The following KCNMA1 variants were observed in gnomAD, a reference collection of about 807,000 sequenced individuals.
The protein encoded by KCNMA1 is potassium calcium-activated channel subfamily M alpha 1.
KCNMA1 carries 29 observed loss-of-function variants against 140.0 expected under a neutral mutation model. That is an observed-to-expected ratio of 0.21 (90% CI 0.15 to 0.28). The LOEUF is 0.28. Ranked by LOEUF, KCNMA1 falls within the 10% of genes least tolerant of loss-of-function variation. The pLI is 1.00. For synonymous variants in KCNMA1, 612 were observed against 611.9 expected, an observed-to-expected ratio of 1.00 and a Z score of 0.00; for missense variants, 880 against 1,602.2, an observed-to-expected ratio of 0.55 and a Z score of 7.70.
chr10:76,956,933 T>C (rs1403997550), intron 20 of KCNMA1, among the ~76,000 whole-genome samples: 1 of 151,740 alleles, frequency 6.6e-6, no homozygotes, highest in African/African-American at 2.4e-5. Flanking sequence ...CCATCCTGGC[T>C]AACACGGTGA....
At chr10:77,076,717 A>C (rs1290406882) in intron 13 of KCNMA1, among the ~76,000 whole-genome samples, 3 of 152,226 alleles carry the variant, frequency 2.0e-5, no homozygotes, top group Non-Finnish European at 4.4e-5. Flanking sequence ...AATGGATGTC[A>C]AAGCTCTTTT....
intron 2 of KCNMA1, among the ~76,000 whole-genome samples, chr10:77,278,161 G>A (rs2067229139): frequency 1.3e-5 from 2 of 152,134 alleles, no homozygotes; most frequent in Non-Finnish European, 2.9e-5. Context: ...AATTTTCTCA[G>A]ACCCTACTAT....
At chr10:77,601,072 G>A (rs747236475) in intron 1 of KCNMA1, among the ~76,000 whole-genome samples, 2 of 152,200 alleles carry the variant, frequency 1.3e-5, no homozygotes, top group Non-Finnish European at 2.9e-5. Flanking sequence ...CTTCATCTTG[G>A]CCCTTCACAG....
chr10:77,388,406 T>G (rs1173013317), intron 2 of KCNMA1, among the ~76,000 whole-genome samples: 1 of 152,204 alleles, frequency 6.6e-6, no homozygotes, highest in Non-Finnish European at 1.5e-5. Context: ...TTTCAAATGC[T>G]TTGAGATCAT....
chr10:76,935,284 A>T (rs926700474), intron 23 of KCNMA1, among the ~76,000 whole-genome samples: 1 of 152,246 alleles, frequency 6.6e-6, no homozygotes, highest in African/African-American at 2.4e-5. Context: ...GCACACCTTG[A>T]GCACTTTCAT....
At chr10:77,338,114 G>C (rs2089805237) in intron 2 of KCNMA1, among the ~76,000 whole-genome samples, 1 of 152,172 alleles carries the variant, frequency 6.6e-6, no homozygotes, top group African/African-American at 2.4e-5. Context: ...GGGAAGGGGT[G>C]AGTGAGCCTG....
chr10:77,059,469 C>T (rs1256703055), intron 14 of KCNMA1, among the ~76,000 whole-genome samples: 1 of 151,900 alleles, frequency 6.6e-6, no homozygotes, highest in Non-Finnish European at 1.5e-5. Flanking sequence ...ATTAACAAAC[C>T]AAATCCACCA....
chr10:77,446,195 C>T (rs1284240538), intron 1 of KCNMA1, among the ~76,000 whole-genome samples: 1 of 152,214 alleles, frequency 6.6e-6, no homozygotes, highest in Non-Finnish European at 1.5e-5. Flanking sequence ...TCCCCCAGGG[C>T]CTAGCTAAGG....
rs541951653 is a variant in KCNMA1 at position 76,886,551 on chromosome 10, A to T, written c.*715T>A. 3 of 985,832 alleles carry T rather than the reference A, an allele frequency of 3.0e-6. No homozygotes were observed. In the African/African-American group the frequency reaches 5.2e-5, roughly 17 times the overall value. The allele number at this position is 985,832 out of a possible 1,614,324, so 61.1% of individuals were successfully genotyped here. ...AGAATTTGATACATCCATGATTGGA[A>T]TACTATTCTCTCCTCCATATTAAGG... is the stretch of plus-strand genomic sequence containing the variant. On this transcript the variant is annotated 3_prime_UTR_variant, in exon 28 of 28. Coordinates refer to ENST00000286628, the MANE Select transcript of KCNMA1 (RefSeq NM_001161352.2).
At position 77,583,651 on chromosome 10, in the gene KCNMA1, G is replaced by A. The variant is rs1374885220; in HGVS notation, c.378+53614C>T. Among the ~76,000 whole-genome samples, 3 of 152,246 alleles carry A rather than the reference G, an allele frequency of 2.0e-5. No homozygotes were observed. The East Asian group carries it at 5.8e-4, about 29-fold the overall frequency. ...TTGACTTTCCAGGCAAGTAAAGCAG[G>A]ATTGAGCTTACTCCTGGGTCTCAGG... On this transcript the variant is annotated intron_variant, in intron 1 of 27. Coordinates refer to ENST00000286628, the MANE Select transcript of KCNMA1 (RefSeq NM_001161352.2).
At chr10:76,921,029 G>C (rs973795113) in intron 23 of KCNMA1, among the ~76,000 whole-genome samples, 2 of 152,142 alleles carry the variant, frequency 1.3e-5, no homozygotes, top group African/African-American at 4.8e-5. Flanking sequence ...CCTTTCCAGG[G>C]AGAGAGGGAG....
intron 3 of KCNMA1, among the ~76,000 whole-genome samples, chr10:77,233,340 G>T (rs572465067): frequency 6.6e-6 from 1 of 152,100 alleles, no homozygotes; most frequent in Admixed American, 6.5e-5. Context: ...CTTCACTTGG[G>T]GCCATATACT....
chr10:77,003,416 G>A (rs1240046420), intron 18 of KCNMA1, among the ~76,000 whole-genome samples: 1 of 152,200 alleles, frequency 6.6e-6, no homozygotes, highest in Non-Finnish European at 1.5e-5. Context: ...AACGGCTGAA[G>A]TCAAGAAAGG....
rs544525174 is a variant in KCNMA1 at position 77,480,732 on chromosome 10, G to A, written c.379-76709C>T. ...TTGCCTAGCGCAGCTTCCCCCTCCC[G>A]GCAAAGCCCTCCCTGACAACCCTAC... On this transcript the variant is annotated intron_variant, in intron 1 of 27. Transcript: ENST00000286628. Among the ~76,000 whole-genome samples the A allele has an allele frequency of 3.3e-5, 5 of 151,748 alleles. No homozygotes were observed. In the South Asian group the frequency reaches 6.3e-4, roughly 19 times the overall value.
At chr10:76,892,177 C>T (rs1017654337) in intron 25 of KCNMA1, among the ~76,000 whole-genome samples, 3 of 152,130 alleles carry the variant, frequency 2.0e-5, no homozygotes, top group African/African-American at 2.4e-5. Context: ...AACGGCAAAA[C>T]CTTTCATTAA....
intron 2 of KCNMA1, among the ~76,000 whole-genome samples, chr10:77,401,153 ATT>A (rs34524709): frequency 2.0e-4 from 29 of 144,070 alleles, no homozygotes; most frequent in Admixed American, 6.2e-4. Context: ...TCAAAAATTC[ATT>A]TTTTTTTTTT....
chr10:76,958,990 A>C (rs985673143), intron 20 of KCNMA1, among the ~76,000 whole-genome samples: 1 of 151,866 alleles, frequency 6.6e-6, no homozygotes, highest in Non-Finnish European at 1.5e-5. Flanking sequence ...TAAGGGGGGG[A>C]AAAAAGCATC....
At chr10:77,583,329 G>T (rs532786159) in intron 1 of KCNMA1, among the ~76,000 whole-genome samples, 1 of 152,174 alleles carries the variant, frequency 6.6e-6, no homozygotes, top group Non-Finnish European at 1.5e-5. Context: ...AAAGATGGAC[G>T]GGGGCACAAA....
At chr10:76,941,961 T>C (rs758441211) in intron 23 of KCNMA1, among the ~76,000 whole-genome samples, 6 of 152,002 alleles carry the variant, frequency 3.9e-5, no homozygotes, top group Non-Finnish European at 7.4e-5. Flanking sequence ...ACTTTATTTA[T>C]TTGTTTGTTG....
Sources: gnomAD v4.1 joint callset for allele counts (sites outside exome capture counted in the v4.1 genomes callset) on GRCh38, gnomAD v4.1.1 for gene constraint, MANE v1.5 for transcripts, NCBI Gene and HGNC (gene_info 2026-07-23, HGNC 2026-07-21) for gene names.